Variants in C10orf90 observed in about 807,000 individuals in gnomAD.
C10orf90 encodes the protein chromosome 10 open reading frame 90.
A neutral mutation model predicts 62.5 loss-of-function variants in C10orf90; 56 were observed. That is an observed-to-expected ratio of 0.90 (90% CI 0.72 to 1.12). C10orf90 has a LOEUF of 1.12. Among genes scored for constraint, C10orf90 ranks in the 50% most tolerant of loss-of-function variants. The pLI, the probability that C10orf90 is intolerant of heterozygous loss-of-function variation, is 0.00. For synonymous variants in C10orf90, 386 were observed against 340.4 expected (o/e 1.13, Z -1.47); for missense variants, 970 against 880.4 (o/e 1.10, Z -1.29).
intron 2 of C10orf90, among the ~76,000 whole-genome samples, chr10:126,608,400 C>A (rs4962581): frequency 0.015 from 2,291 of 152,322 alleles, 22 homozygotes; most frequent in Non-Finnish European, 0.022. Flanking sequence ...GCTTGAGCCA[C>A]CATGCCTAGC....
At chr10:126,554,607 C>A (rs1266416553) in intron 2 of C10orf90, among the ~76,000 whole-genome samples, 3 of 152,166 alleles carry the variant, frequency 2.0e-5, no homozygotes, top group African/African-American at 7.2e-5. Context: ...AAAAAATTAG[C>A]ACTCTACTAT....
rs143601095 is a variant in C10orf90 at position 126,575,879 on chromosome 10, A to G, written c.314-61940T>C. On this transcript the variant is annotated intron_variant, in intron 2 of 9. Coordinates refer to ENST00000488181, the MANE Select transcript of C10orf90 (RefSeq NM_001350921.2). Reference sequence around the variant, plus strand: ...AAACTGAGTCACTATAGGCAGAAGAATGAAACTACGTTCCAACCTCTCACC... The same window carrying G: ...AAACTGAGTCACTATAGGCAGAAGAGTGAAACTACGTTCCAACCTCTCACC... 8.7e-3 allele frequency among the ~76,000 whole-genome samples: 1,329 copies of G among 152,250 alleles called. 15 individuals are homozygous for G. Among genetic ancestry groups the G allele is most frequent in the Non-Finnish European group, 0.011 (730 of 67,966 alleles).
intron 2 of C10orf90, among the ~76,000 whole-genome samples, chr10:126,642,411 A>G (rs140105539): frequency 1.3e-5 from 2 of 152,240 alleles, no homozygotes; most frequent in African/African-American, 4.8e-5. Flanking sequence ...GGGCGCCTGT[A>G]GTCCCAGCTA....
chr10:126,437,720 C>T (rs1858015218), intron 7 of C10orf90, among the ~76,000 whole-genome samples: 1 of 152,110 alleles, frequency 6.6e-6, no homozygotes, highest in South Asian at 2.1e-4. Context: ...GCAAATTTAA[C>T]TGGGCATCCT....
intron 7 of C10orf90, among the ~76,000 whole-genome samples, chr10:126,441,786 G>C (rs1175918934): frequency 6.6e-6 from 1 of 152,144 alleles, no homozygotes; most frequent in East Asian, 1.9e-4. Context: ...GTGAAACTAA[G>C]TGTTATACAT....
At chr10:126,620,070 C>T (rs568134507) in intron 2 of C10orf90, among the ~76,000 whole-genome samples, 1 of 152,036 alleles carries the variant, frequency 6.6e-6, no homozygotes, top group Non-Finnish European at 1.5e-5. Flanking sequence ...CTGTGGCTCA[C>T]ATTTTTATTT....
chr10:126,498,732 T>C (rs7907159), intron 4 of C10orf90, among the ~76,000 whole-genome samples: 2 of 152,016 alleles, frequency 1.3e-5, no homozygotes, highest in Admixed American at 1.3e-4. Flanking sequence ...CTCACCCAAG[T>C]TCACATATCT....
intron 2 of C10orf90, among the ~76,000 whole-genome samples, chr10:126,631,404 C>T (rs919838659): frequency 6.6e-6 from 1 of 152,180 alleles, no homozygotes; most frequent in East Asian, 1.9e-4. Context: ...ACAGCTGCCC[C>T]TTGCCCTGCT....
chr10:126,497,463 C>T (rs1290670010), intron 4 of C10orf90, among the ~76,000 whole-genome samples: 5 of 152,208 alleles, frequency 3.3e-5, no homozygotes, highest in Non-Finnish European at 4.4e-5. Flanking sequence ...TTCTTCACCA[C>T]GTTCTAAGAA....
At chr10:126,664,073 G>T (rs977513639) in intron 1 of C10orf90, among the ~76,000 whole-genome samples, 8 of 152,168 alleles carry the variant, frequency 5.3e-5, no homozygotes, top group African/African-American at 1.9e-4. Context: ...ATTTGCAGCT[G>T]GCCCCAGGAG....
intron 7 of C10orf90, among the ~76,000 whole-genome samples, chr10:126,446,885 G>T (rs1858821548): frequency 6.6e-6 from 1 of 152,058 alleles, no homozygotes; most frequent in Non-Finnish European, 1.5e-5. Context: ...AACATAAAAT[G>T]TGAGGAGAGG....
chr10:126,626,977 A>ATTTT (rs1564898592), intron 2 of C10orf90, among the ~76,000 whole-genome samples: 1 of 140,356 alleles, frequency 7.1e-6, no homozygotes, highest in Non-Finnish European at 1.6e-5. Flanking sequence ...TGTGATTTAG[A>ATTTT]TTTTTCTTTT....
chr10:126,666,302 G>A (rs1846625932), intron 1 of C10orf90, among the ~76,000 whole-genome samples: 2 of 151,890 alleles, frequency 1.3e-5, no homozygotes, highest in Admixed American at 6.6e-5. Context: ...CAAACAAATC[G>A]AAAAAATAAG....
At chr10:126,463,626 G>A (rs1860126975) in intron 5 of C10orf90, among the ~76,000 whole-genome samples, 1 of 152,158 alleles carries the variant, frequency 6.6e-6, no homozygotes, top group African/African-American at 2.4e-5. Flanking sequence ...TGCGTCATGT[G>A]TGCCTTTCCC....
At chr10:126,558,476 C>T (rs1323212243) in intron 2 of C10orf90, among the ~76,000 whole-genome samples, 3 of 152,208 alleles carry the variant, frequency 2.0e-5, no homozygotes, top group Non-Finnish European at 2.9e-5. Flanking sequence ...TGTTGAAATT[C>T]TGCAGGCGGG....
Position 126,426,008 on chromosome 10 carries a change from C to T in C10orf90, c.2335G>A (p.Ala779Thr), listed in dbSNP as rs1857240832. 1 of 1,614,176 alleles carries T rather than the reference C, an allele frequency of 6.2e-7. No homozygotes were observed. The highest frequency in any genetic ancestry group is 2.2e-5 in the East Asian group (1 of 44,876). ...GCCATTACCTTTTTGAAGACTTCGG[C>T]ACGGAGTCTGTTACTTTGTAAGATC... ...RVILQSNRLR[A>T]EVFKKQLLDQ... The change falls in exon 9 of 10, where the codon GCC becomes ACC. Residue 779 changes from alanine (A) to threonine (T), a missense_variant. Transcript: ENST00000488181.
chr10:126,508,946 C>T (rs1478473916), intron 3 of C10orf90, among the ~76,000 whole-genome samples: 1 of 152,158 alleles, frequency 6.6e-6, no homozygotes, highest in Non-Finnish European at 1.5e-5. Context: ...ATACCTGACT[C>T]TGACTACACG....
chr10:126,567,514 A>T (rs1174194195), intron 2 of C10orf90, among the ~76,000 whole-genome samples: 1 of 151,932 alleles, frequency 6.6e-6, no homozygotes, highest in African/African-American at 2.4e-5. Context: ...GAGGCATGAG[A>T]CCCTCTTCCC....
chr10:126,511,168 A>T (rs539036687), intron 3 of C10orf90, among the ~76,000 whole-genome samples: 33 of 152,176 alleles, frequency 2.2e-4, no homozygotes, highest in Non-Finnish European at 3.7e-4. Context: ...CGCATTTTCC[A>T]GTGTATGAAC....
Sources: gnomAD v4.1 joint callset for allele counts (sites outside exome capture counted in the v4.1 genomes callset) on GRCh38, gnomAD v4.1.1 for gene constraint, MANE v1.5 for transcripts, NCBI Gene and HGNC (gene_info 2026-07-23, HGNC 2026-07-21) for gene names.